The following CSMD1 variants were observed in gnomAD, a reference collection of about 807,000 sequenced individuals.
The protein encoded by CSMD1 is CUB and sushi domain-containing protein 1.
A neutral mutation model predicts 417.5 loss-of-function variants in CSMD1; 213 were observed. The ratio of observed to expected loss-of-function variants is 0.51; its 90% CI spans 0.46 to 0.57. The LOEUF (loss-of-function observed/expected upper bound fraction) is 0.57. Among genes scored for constraint, CSMD1 ranks in the 20% least tolerant of loss-of-function variants. The pLI is 0.00. For missense variants in CSMD1, 6,923 were observed against 4,529.7 expected (o/e 1.53, Z -15.17); for synonymous variants, 2,862 against 1,736.8 (o/e 1.65, Z -16.11).
At chr8:4,644,410 TG>T (rs1803385594) in intron 1 of CSMD1, among the ~76,000 whole-genome samples, 1 of 79,104 alleles carries the variant, frequency 1.3e-5, no homozygotes, top group African/African-American at 4.7e-5. Context: ...TGCTACCCTT[TG>T]CCCTATTTTT....
chr8:4,538,579 G>T (rs75377185), intron 2 of CSMD1, among the ~76,000 whole-genome samples: 1 of 151,880 alleles, frequency 6.6e-6, no homozygotes, highest in Non-Finnish European at 1.5e-5. Flanking sequence ...GGAGTTGGAC[G>T]TTGCAGTGAG....
chr8:4,339,000 A>G (rs547674020), intron 3 of CSMD1, among the ~76,000 whole-genome samples: 99 of 152,248 alleles, frequency 6.5e-4, no homozygotes, highest in African/African-American at 2.3e-3. Flanking sequence ...AGATTCTGTG[A>G]AAAGCAAGGC....
At chr8:4,328,522 G>A (rs988019683) in intron 3 of CSMD1, among the ~76,000 whole-genome samples, 1 of 151,722 alleles carries the variant, frequency 6.6e-6, no homozygotes, top group African/African-American at 2.4e-5. Flanking sequence ...TGGTAATAAA[G>A]CATCTCCTGT....
intron 2 of CSMD1, among the ~76,000 whole-genome samples, chr8:4,588,118 G>C (rs536743213): frequency 9.9e-5 from 15 of 152,240 alleles, no homozygotes; most frequent in African/African-American, 3.6e-4. Context: ...TCTAGCTAGA[G>C]TGGATAATAA....
chr8:3,753,896 T>C (rs763849900), intron 6 of CSMD1, 34 bp downstream of exon 6: 1 of 1,360,792 alleles, frequency 7.3e-7, no homozygotes, highest in South Asian at 1.3e-5. Context: ...TACGCTCTGT[T>C]TTTTTTTTTT....
chr8:4,036,285 T>TAACA (rs1488703782), intron 3 of CSMD1, among the ~76,000 whole-genome samples: 10 of 152,252 alleles, frequency 6.6e-5, no homozygotes, highest in Non-Finnish European at 1.3e-4. Flanking sequence ...GATGCTGTTG[T>TAACA]TATGGTCAAG....
chr8:4,018,171 A>G (rs913854061), intron 4 of CSMD1, among the ~76,000 whole-genome samples: 1 of 152,198 alleles, frequency 6.6e-6, no homozygotes, highest in African/African-American at 2.4e-5. Flanking sequence ...CTTTATAAAA[A>G]ATAAATACAC....
At chr8:4,825,678 G>A (rs1224501324) in intron 1 of CSMD1, among the ~76,000 whole-genome samples, 2 of 151,034 alleles carry the variant, frequency 1.3e-5, no homozygotes, top group Admixed American at 1.3e-4. Flanking sequence ...TCAATCCAGT[G>A]AAAAGGCAAC....
At chr8:4,938,316 G>A (rs1293299623) in intron 1 of CSMD1, among the ~76,000 whole-genome samples, 3 of 152,148 alleles carry the variant, frequency 2.0e-5, no homozygotes, top group Admixed American at 6.5e-5. Flanking sequence ...AAGTTTAACT[G>A]CAATGAGTTC....
chr8:3,851,304 C>T (rs1020818565), intron 5 of CSMD1, among the ~76,000 whole-genome samples: 1 of 152,286 alleles, frequency 6.6e-6, no homozygotes, highest in African/African-American at 2.4e-5. Context: ...TTCATATTGA[C>T]ATTACACACA....
chr8:4,451,944 T>C (rs951699664), intron 2 of CSMD1, among the ~76,000 whole-genome samples: 1 of 148,540 alleles, frequency 6.7e-6, no homozygotes, highest in Non-Finnish European at 1.5e-5. Context: ...TGTATATTAT[T>C]ATATATAATA....
At chr8:4,182,495 T>G (rs1798434719) in intron 3 of CSMD1, among the ~76,000 whole-genome samples, 1 of 152,266 alleles carries the variant, frequency 6.6e-6, no homozygotes, top group South Asian at 2.1e-4. Context: ...ATACGTCACA[T>G]TATTAGCGAA....
At chr8:3,701,950 A>G (rs1230858546) in intron 7 of CSMD1, among the ~76,000 whole-genome samples, 4 of 152,248 alleles carry the variant, frequency 2.6e-5, no homozygotes, top group East Asian at 1.9e-4. Context: ...CTAGGGGCGA[A>G]TATCATTCTG....
intron 1 of CSMD1, among the ~76,000 whole-genome samples, chr8:4,691,709 A>G (rs1806779681): frequency 6.6e-6 from 1 of 152,146 alleles, no homozygotes; most frequent in East Asian, 1.9e-4. Flanking sequence ...TTTCAACCCA[A>G]TTTCCTGAAG....
At chr8:3,269,804 T>C (rs568820343) in intron 26 of CSMD1, among the ~76,000 whole-genome samples, 9 of 152,318 alleles carry the variant, frequency 5.9e-5, no homozygotes, top group Non-Finnish European at 1.3e-4. Context: ...CAGTAGTCAG[T>C]TCATGTCCTT....
chr8:4,427,718 C>G (rs1037509722), intron 2 of CSMD1, among the ~76,000 whole-genome samples: 1 of 152,076 alleles, frequency 6.6e-6, no homozygotes, highest in Admixed American at 6.6e-5. Flanking sequence ...TTCAGCATAT[C>G]ACTAATTTGA....
intron 3 of CSMD1, among the ~76,000 whole-genome samples, chr8:4,264,501 G>C (rs549609520): frequency 2.0e-5 from 3 of 152,234 alleles, no homozygotes; most frequent in East Asian, 3.9e-4. Context: ...ACAAGCTAAT[G>C]TGTACCCCCC....
intron 4 of CSMD1, among the ~76,000 whole-genome samples, chr8:4,013,752 T>A (rs953148890): frequency 2.0e-5 from 3 of 152,344 alleles, no homozygotes; most frequent in Admixed American, 6.5e-5. Flanking sequence ...GTGGGTTACA[T>A]TCAGTCCAGT....
intron 4 of CSMD1, among the ~76,000 whole-genome samples, chr8:4,004,876 C>A (rs925827988): frequency 6.6e-6 from 1 of 152,132 alleles, no homozygotes; most frequent in East Asian, 1.9e-4. Flanking sequence ...TCCCGAGTAG[C>A]TGGGACTACA....
Sources: gnomAD v4.1 joint callset for allele counts (sites outside exome capture counted in the v4.1 genomes callset) on GRCh38, gnomAD v4.1.1 for gene constraint, MANE v1.5 for transcripts, NCBI Gene and HGNC (gene_info 2026-07-23, HGNC 2026-07-21) for gene names.